Variants in PRPSAP2 observed in about 807,000 individuals in gnomAD.
PRPSAP2 encodes phosphoribosyl pyrophosphate synthetase associated protein 2.
Under a neutral mutation model 40.6 loss-of-function variants are expected in PRPSAP2, and 24 were observed. The observed-to-expected ratio is 0.59, with a 90% CI of 0.43 to 0.83. The LOEUF (loss-of-function observed/expected upper bound fraction) is 0.83. Among genes scored for constraint, PRPSAP2 ranks in the 40% least tolerant of loss-of-function variants. PRPSAP2 has a pLI of 0.00. For missense variants in PRPSAP2, 292 were observed against 465.6 expected, an observed-to-expected ratio of 0.63 and a Z score of 3.43; for synonymous variants, 149 against 164.7, an observed-to-expected ratio of 0.90 and a Z score of 0.73.
intron 8 of PRPSAP2, among the ~76,000 whole-genome samples, chr17:18,895,479 A>T (rs1049292102): frequency 2.0e-5 from 3 of 151,390 alleles, no homozygotes; most frequent in African/African-American, 7.3e-5. Flanking sequence ...CATATTTATG[A>T]TAGCTAATTT....
chr17:18,904,533 ACGTGAGCCACTGTTGGGATAACAGG>A (rs1411938993), intron 8 of PRPSAP2: 1 of 151,986 alleles, frequency 6.6e-6, no homozygotes, highest in Non-Finnish European at 1.5e-5. Flanking sequence ...GGGATAACAG[ACGTGAGCCACTGTTGGGATAACAGG>A]CGTGAGCCAC....
At chr17:18,864,053 C>T (rs927363592) in intron 1 of PRPSAP2, among the ~76,000 whole-genome samples, 2 of 151,196 alleles carry the variant, frequency 1.3e-5, no homozygotes, top group African/African-American at 4.9e-5. Flanking sequence ...GGGGTTTCAC[C>T]ATGTTGGTCA....
rs1323821518 is a variant in PRPSAP2, at chr17:18,930,637, G to A, written c.1049G>A (p.Arg350His). 7 of 1,613,696 alleles carry A rather than the reference G, an allele frequency of 4.3e-6. No homozygotes were observed. Among genetic ancestry groups the A allele is most frequent in the African/African-American group, 2.7e-5 (2 of 74,872 alleles). The stretch of plus-strand genomic sequence containing the variant: ...AGCATGATCCTTTCAGAGGCGATCC[G>A]TCGGATCCACAATGGGGAGTCCATG... ...DISMILSEAI[R>H]RIHNGESMSY... The change falls in exon 12 of 12, where the codon CGT (arginine) becomes CAT (histidine). Residue 350 changes from arginine (R) to histidine (H), a missense_variant. Physicochemically the swap from Arg to His is conservative, Grantham distance 29. Coordinates refer to ENST00000268835, the MANE Select transcript of PRPSAP2 (RefSeq NM_002767.4).
chr17:18,878,838 C>T lies in PRPSAP2; in HGVS notation c.412+968C>T, dbSNP rs62075123. Among the ~76,000 whole-genome samples, 838 of 151,772 alleles carry T rather than the reference C, an allele frequency of 5.5e-3. 3 individuals carry two copies. The highest frequency in any genetic ancestry group is 0.02 in the Middle Eastern group (6 of 294). On this transcript the variant is annotated intron_variant, in intron 6 of 11. Coordinates refer to ENST00000268835, the MANE Select transcript of PRPSAP2 (RefSeq NM_002767.4). Reference sequence around the variant, plus strand: ...GGATTACAGGCGTAAGCCACTGCACCCGGCCTATGATTTTTTTATTTTAAT... The same window carrying T: ...GGATTACAGGCGTAAGCCACTGCACTCGGCCTATGATTTTTTTATTTTAAT...
chr17:18,857,261 G>A (rs1214027935), upstream of PRPSAP2, among the ~76,000 whole-genome samples: 1 of 151,764 alleles, frequency 6.6e-6, no homozygotes, highest in Non-Finnish European at 1.5e-5. Context: ...CTTGAACCCG[G>A]GAGACGAAGT....
At chr17:18,893,957 A>G (rs879565922) in intron 8 of PRPSAP2, among the ~76,000 whole-genome samples, 1 of 152,080 alleles carries the variant, frequency 6.6e-6, no homozygotes, top group Non-Finnish European at 1.5e-5. Context: ...TCCCAGGCTC[A>G]AGCAATTCTA....
At chr17:18,926,512 C>T (rs1036872936) in intron 10 of PRPSAP2, among the ~76,000 whole-genome samples, 1 of 152,082 alleles carries the variant, frequency 6.6e-6, no homozygotes, top group Admixed American at 6.5e-5. Flanking sequence ...CGTGATCTGC[C>T]CGCCTTGGCC....
intron 8 of PRPSAP2, among the ~76,000 whole-genome samples, chr17:18,897,057 T>C (rs887796474): frequency 2.0e-5 from 3 of 152,020 alleles, no homozygotes; most frequent in African/African-American, 7.2e-5. Context: ...CTTCCTGGGC[T>C]CAGGTGATCC....
At chr17:18,905,817 A>G (rs927372922) in intron 8 of PRPSAP2, among the ~76,000 whole-genome samples, 3 of 152,180 alleles carry the variant, frequency 2.0e-5, no homozygotes, top group Non-Finnish European at 4.4e-5. Flanking sequence ...TCCCAGCCTC[A>G]GGTGATCTGC....
chr17:18,923,399 C>T (rs2041807781), intron 9 of PRPSAP2, among the ~76,000 whole-genome samples: 1 of 152,116 alleles, frequency 6.6e-6, no homozygotes, highest in Non-Finnish European at 1.5e-5. Context: ...AGCCACCACG[C>T]CTGGCGTGGA....
chr17:18,876,175 C>A (rs921085264), intron 5 of PRPSAP2, among the ~76,000 whole-genome samples: 2 of 152,126 alleles, frequency 1.3e-5, no homozygotes, highest in African/African-American at 2.4e-5. Flanking sequence ...TTGTCAGATA[C>A]ATCTTATACT....
intron 8 of PRPSAP2, among the ~76,000 whole-genome samples, chr17:18,891,861 C>T (rs1233118397): frequency 6.6e-6 from 1 of 152,116 alleles, no homozygotes; most frequent in Non-Finnish European, 1.5e-5. Context: ...GTTTTGTTGT[C>T]GCTGTTATTG....
intron 7 of PRPSAP2, among the ~76,000 whole-genome samples, chr17:18,887,321 TTC>T (rs927602035): frequency 2.6e-5 from 4 of 151,860 alleles, no homozygotes. Flanking sequence ...GTTCAAACAA[TTC>T]TCCTGGGTTC....
chr17:18,860,101 C>T (rs1483475575), intron 1 of PRPSAP2, among the ~76,000 whole-genome samples: 1 of 151,262 alleles, frequency 6.6e-6, no homozygotes, highest in Non-Finnish European at 1.5e-5. Flanking sequence ...GCTCTGTTGC[C>T]CAGGTTGGAG....
At chr17:18,902,076 A>T (rs1302554862) in intron 8 of PRPSAP2, among the ~76,000 whole-genome samples, 1 of 152,136 alleles carries the variant, frequency 6.6e-6, no homozygotes, top group African/African-American at 2.4e-5. Context: ...GAGCCACTGC[A>T]TCTGGCCTTG....
At chr17:18,904,993 T>C (rs773026745) in intron 8 of PRPSAP2, 1 of 152,208 alleles carries the variant, frequency 6.6e-6, no homozygotes, top group Non-Finnish European at 1.5e-5. Context: ...CCCATTGCTG[T>C]GCAGGTAATA....
intron 6 of PRPSAP2, among the ~76,000 whole-genome samples, chr17:18,880,700 C>T (rs1157651178): frequency 6.6e-6 from 1 of 152,016 alleles, no homozygotes; most frequent in Non-Finnish European, 1.5e-5. Context: ...TGAGCCACCA[C>T]ACCCGGCTGA....
intron 8 of PRPSAP2, among the ~76,000 whole-genome samples, chr17:18,893,580 C>T (rs1386622613): frequency 2.4e-5 from 3 of 126,470 alleles, no homozygotes; most frequent in Non-Finnish European, 5.2e-5. Context: ...TATAGTGAGA[C>T]CTCGTTTTTA....
At chr17:18,913,759 G>T (rs2151956822) in intron 9 of PRPSAP2, among the ~76,000 whole-genome samples, 1 of 151,052 alleles carries the variant, frequency 6.6e-6, no homozygotes, top group South Asian at 2.1e-4. Context: ...TGTTGCCCAG[G>T]CTGGTCTTGA....
Sources: gnomAD v4.1 joint callset for allele counts (sites outside exome capture counted in the v4.1 genomes callset) on GRCh38, gnomAD v4.1.1 for gene constraint, MANE v1.5 for transcripts, NCBI Gene and HGNC (gene_info 2026-07-23, HGNC 2026-07-21) for gene names.